Variants in KLF12 observed in about 807,000 individuals in gnomAD.
KLF12 encodes the protein KLF transcription factor 12, also known as Krueppel-like factor 12.
In KLF12, 9 loss-of-function variants were observed where a neutral mutation model predicts 37.8. The ratio of observed to expected loss-of-function variants is 0.24; its 90% CI spans 0.14 to 0.42. The LOEUF (loss-of-function observed/expected upper bound fraction) is 0.42, where lower values mean the gene tolerates loss of function less well. KLF12 is among the 10% of genes least tolerant of loss of function. The pLI is 1.00. For missense variants in KLF12, 411 were observed against 516.0 expected (o/e 0.80, Z 1.97); for synonymous variants, 208 against 202.1 (o/e 1.03, Z -0.25).
the KLF12 span, among the ~76,000 whole-genome samples, chr13:74,147,770 C>T: frequency 6.6e-6 from 1 of 152,098 alleles, no homozygotes; most frequent in African/African-American, 2.4e-5. Context: ...CTCAGCTACC[C>T]ATCTTCTGAT....
intron 7 of KLF12, among the ~76,000 whole-genome samples, chr13:73,696,069 C>T (rs1014863976): frequency 1.3e-5 from 2 of 150,134 alleles, no homozygotes; most frequent in Non-Finnish European, 3.0e-5. Context: ...GTTTCAACAC[C>T]CCCCCACGCT....
At chr13:73,876,185 G>C (rs1886696377) in intron 3 of KLF12, among the ~76,000 whole-genome samples, 3 of 151,620 alleles carry the variant, frequency 2.0e-5, no homozygotes, top group Non-Finnish European at 4.4e-5. Context: ...AGCTTGCTGA[G>C]TCCTAATCTG....
intron 4 of KLF12, among the ~76,000 whole-genome samples, chr13:73,829,877 A>G (rs1884059117): frequency 6.6e-6 from 1 of 152,244 alleles, no homozygotes; most frequent in African/African-American, 2.4e-5. Flanking sequence ...AAAAATAGTT[A>G]TAAACCATTC....
At position 73,691,533 on chromosome 13, in the gene KLF12, G is replaced by GT. The variant is rs1436860906; in HGVS notation, c.*3956dup. 6 of 152,634 alleles carry GT rather than the reference G, an allele frequency of 3.9e-5. No homozygotes were observed. Among genetic ancestry groups the GT allele is most frequent in the Non-Finnish European group, 8.8e-5 (6 of 68,038 alleles). 9.5% of individuals were successfully genotyped at this position (152,634 alleles called of 1,614,324 possible). A position where few individuals can be genotyped will look rare whatever the true frequency, so the allele number is the denominator to read the frequency against. ...ACATTCAGTCCCTTATACGCAGACT[G>GT]TAACATGGATGCTGGTATTCTTAAC... On this transcript the variant is annotated 3_prime_UTR_variant, in exon 8 of 8. Transcript: ENST00000377669.
chr13:74,202,159 C>T, the KLF12 span, among the ~76,000 whole-genome samples: 2 of 152,102 alleles, frequency 1.3e-5, no homozygotes, highest in Non-Finnish European at 2.9e-5. Context: ...TTTGTATTTC[C>T]ACCAAGCAAA....
chr13:74,257,559 A>G, the KLF12 span: 1 of 152,210 alleles, frequency 6.6e-6, no homozygotes, highest in East Asian at 1.9e-4. Context: ...TCTCCCGTGG[A>G]TGCTCCAGCA....
the KLF12 span, among the ~76,000 whole-genome samples, chr13:74,194,904 C>T: frequency 6.6e-6 from 1 of 152,138 alleles, no homozygotes; most frequent in Non-Finnish European, 1.5e-5. Context: ...TAAATCTGTT[C>T]AACTCATAAT....
At chr13:74,182,701 C>T in the KLF12 span, among the ~76,000 whole-genome samples, 8 of 152,248 alleles carry the variant, frequency 5.3e-5, no homozygotes, top group Admixed American at 3.9e-4. Context: ...TTGGCATTCT[C>T]GTATTGGAAT....
chr13:74,232,666 G>A, the KLF12 span, among the ~76,000 whole-genome samples: 3 of 152,102 alleles, frequency 2.0e-5, no homozygotes, highest in East Asian at 1.9e-4. Context: ...TTTATACACT[G>A]TCCCAAGCTT....
chr13:74,025,163 G>A (rs1486716947), intron 1 of KLF12, among the ~76,000 whole-genome samples: 1 of 152,082 alleles, frequency 6.6e-6, no homozygotes, highest in East Asian at 1.9e-4. Flanking sequence ...AAATGCAAAG[G>A]GGCTGTATCT....
the KLF12 span, among the ~76,000 whole-genome samples, chr13:74,278,398 C>T: frequency 6.6e-6 from 1 of 152,140 alleles, no homozygotes; most frequent in African/African-American, 2.4e-5. Flanking sequence ...CGACATGGCC[C>T]TCTCCTTATC....
chr13:74,249,610 A>T, the KLF12 span, among the ~76,000 whole-genome samples: 1 of 152,160 alleles, frequency 6.6e-6, no homozygotes, highest in African/African-American at 2.4e-5. Flanking sequence ...TACTTTTAAA[A>T]TTTGGTTTTC....
At chr13:73,712,338 C>CA (rs752694466) in intron 7 of KLF12, among the ~76,000 whole-genome samples, 2,031 of 40,874 alleles carry the variant, frequency 0.05, 48 homozygotes, top group African/African-American at 0.069. Flanking sequence ...AACTCCATGT[C>CA]AAAAAAAAAA....
At position 73,804,140 on chromosome 13, in the gene KLF12, T is replaced by C. The variant is rs142017867; in HGVS notation, c.806+9012A>G. Among the ~76,000 whole-genome samples, 13 of 152,302 alleles carry C rather than the reference T, an allele frequency of 8.5e-5. No individual in the cohort carries two copies. In the East Asian group the frequency reaches 2.5e-3, roughly 29 times the overall value. On this transcript the variant is annotated intron_variant, in intron 5 of 7. Coordinates refer to ENST00000377669, the MANE Select transcript of KLF12 (RefSeq NM_007249.5). ...TTGTGCACCAGTCATTATGACCTTA[T>C]ACACTCTTCCACATGCCAATGCTCT... is the stretch of plus-strand genomic sequence containing the variant.
chr13:74,075,961 T>C (rs145199910), intron 1 of KLF12, among the ~76,000 whole-genome samples: 1 of 152,318 alleles, frequency 6.6e-6, no homozygotes, highest in African/African-American at 2.4e-5. Context: ...TAATTACCTA[T>C]ACTTTCTTAA....
intron 5 of KLF12, among the ~76,000 whole-genome samples, chr13:73,765,531 G>A (rs1181981390): frequency 6.6e-6 from 1 of 152,202 alleles, no homozygotes; most frequent in Non-Finnish European, 1.5e-5. Flanking sequence ...CCTAGGAGGA[G>A]TACATTCTGG....
At chr13:73,962,024 C>A (rs1288283947) in intron 2 of KLF12, 4 of 454,718 alleles carry the variant, frequency 8.8e-6, no homozygotes, top group South Asian at 1.6e-5. Flanking sequence ...TATGTCCATG[C>A]AACCTTTATA....
intron 1 of KLF12, among the ~76,000 whole-genome samples, chr13:74,017,833 A>G (rs916822729): frequency 3.9e-5 from 6 of 152,096 alleles, no homozygotes; most frequent in African/African-American, 1.2e-4. Flanking sequence ...TGGCATATCA[A>G]TGATTGTCTA....
intron 5 of KLF12, among the ~76,000 whole-genome samples, chr13:73,812,386 C>CAA (rs11354700): frequency 0.36 from 52,855 of 148,720 alleles, 9,616 homozygotes; most frequent in Middle Eastern, 0.43. Flanking sequence ...TGCATTCTCA[C>CAA]AAAAAAAAAA....
Sources: allele counts gnomAD v4.1 joint callset (sites outside exome capture counted in the v4.1 genomes callset), GRCh38; gene constraint gnomAD v4.1.1; transcripts MANE v1.5; gene names NCBI Gene and HGNC (gene_info 2026-07-23, HGNC 2026-07-21).